Variants in FRYL observed in about 807,000 individuals in gnomAD.
FRYL encodes the protein protein furry homolog-like.
FRYL carries 150 observed loss-of-function variants against 351.2 expected under a neutral mutation model. That is an observed-to-expected ratio of 0.43 (90% confidence interval 0.37 to 0.49). The LOEUF (loss-of-function observed/expected upper bound fraction) is 0.49. Among genes scored for constraint, FRYL ranks in the 20% least tolerant of loss-of-function variants. The pLI is 0.00. For synonymous variants in FRYL, 1,153 were observed against 1,257.1 expected (o/e 0.92, Z 1.75); for missense variants, 3,036 against 3,619.3 (o/e 0.84, Z 4.13).
At chr4:48,543,071 A>G (rs1266977603) in intron 44 of FRYL, among the ~76,000 whole-genome samples, 1 of 152,066 alleles carries the variant, frequency 6.6e-6, no homozygotes, top group Non-Finnish European at 1.5e-5. Flanking sequence ...AATTTTCTTG[A>G]TGTTCCTCAG....
In FRYL at chr4:48,497,599, A is replaced by T. The variant is rs769080396; in HGVS notation, c.*1823T>A. 3.3e-5 allele frequency: 5 copies of T among 152,640 alleles called. No individual in the cohort carries two copies. The highest frequency in any genetic ancestry group is 7.3e-5 in the Non-Finnish European group (5 of 68,040). The allele number at this position is 152,640 out of a possible 1,614,324, so 9.5% of individuals were successfully genotyped here. The stretch of plus-strand genomic sequence containing the variant: ...ACAATGCTTTTTATTTTTAACAAAA[A>T]GGATGTAAGGAGGGTAAGAAAAACA... On this transcript the variant is annotated 3_prime_UTR_variant, in exon 64 of 64. Transcript: ENST00000358350.
At chr4:48,608,326 T>G (rs1241538291) in intron 9 of FRYL, among the ~76,000 whole-genome samples, 2 of 152,188 alleles carry the variant, frequency 1.3e-5, no homozygotes, top group Non-Finnish European at 2.9e-5. Context: ...CAAAGACTCT[T>G]TCAAACACAT....
intron 3 of FRYL, chr4:48,637,292 A>G (rs1754431355): frequency 6.6e-6 from 1 of 152,118 alleles, no homozygotes; most frequent in South Asian, 2.1e-4. Context: ...CCTCAACTTT[A>G]TATTTCATCA....
Position 48,528,184 on chromosome 4 carries a change from C to T in FRYL, c.7056G>A (p.Gln2352=). ...GATATTCTTTATGTACCTGTGATAA[C>T]TGTGGCCTTTTCCAACTAACAGGAA... ...ALVPVSWKRP[Q]LSQRRTREKL... The change falls in exon 51 of 64, where the codon CAG becomes CAA. Residue 2352 remains glutamine (Q), a synonymous_variant. Transcript: ENST00000358350. 2 of 1,612,706 alleles carry T rather than the reference C, an allele frequency of 1.2e-6. No individual in the cohort carries two copies. The highest frequency in any genetic ancestry group is 1.7e-6 in the Non-Finnish European group (2 of 1,179,138).
chr4:48,521,003 A>G, intron 55 of FRYL, 45 bp downstream of exon 55: 1 of 1,483,304 alleles, frequency 6.7e-7, no homozygotes, highest in Non-Finnish European at 9.1e-7. Context: ...AAGAGTGCTA[A>G]AAAGAGCCCA....
At chr4:48,519,121 A>G (rs1398105672) in intron 55 of FRYL, among the ~76,000 whole-genome samples, 7 of 152,236 alleles carry the variant, frequency 4.6e-5, no homozygotes, top group African/African-American at 7.2e-5. Flanking sequence ...ATCTCAAGAC[A>G]AAGTCTTAAA....
intron 33 of FRYL, among the ~76,000 whole-genome samples, chr4:48,559,780 C>T (rs1735047874): frequency 6.6e-6 from 1 of 151,376 alleles, no homozygotes; most frequent in Non-Finnish European, 1.5e-5. Context: ...CCAAAAGAGA[C>T]AGAAAAGGAA....
At chr4:48,733,389 A>C (rs916219374) in intron 1 of FRYL, among the ~76,000 whole-genome samples, 11 of 151,972 alleles carry the variant, frequency 7.2e-5, no homozygotes, top group Non-Finnish European at 1.3e-4. Context: ...ATAGAAACAA[A>C]AATTGACAGA....
chr4:48,620,353 C>T (rs1223674872), intron 6 of FRYL, among the ~76,000 whole-genome samples: 1 of 152,166 alleles, frequency 6.6e-6, no homozygotes, highest in African/African-American at 2.4e-5. Context: ...TTAAAAGCTC[C>T]TCACTGAACT....
Position 48,564,088 on chromosome 4 carries a change from G to A in FRYL, c.3456C>T (p.Gly1152=). The change falls in exon 31 of 64, where the codon GGC becomes GGT. Residue 1152 remains glycine, a synonymous_variant. Coordinates refer to ENST00000358350, the MANE Select transcript of FRYL (RefSeq NM_015030.2). ...CCAGTAACAACGTAACTGCTTCACA[G>A]CCCAGCTGGTGAACCTAGGTAAAGG... The part of the protein sequence containing the change: ...DSLDKKVHQL[G]CEAVTLLLEL... 6.2e-7 allele frequency: 1 copy of A among 1,613,726 alleles called. No individual in the cohort carries two copies. Among genetic ancestry groups the A allele is most frequent in the South Asian group, 1.1e-5 (1 of 90,932 alleles).
chr4:48,528,144 T>C (rs372162368), intron 51 of FRYL, 31 bp downstream of exon 51: 1 of 1,600,828 alleles, frequency 6.2e-7, no homozygotes, highest in African/African-American at 1.3e-5. Context: ...TTCTGTTCTA[T>C]GAATGTTCCA....
At chr4:48,646,516 T>G (rs1756499007) in intron 3 of FRYL, among the ~76,000 whole-genome samples, 1 of 152,142 alleles carries the variant, frequency 6.6e-6, no homozygotes, top group Admixed American at 6.6e-5. Flanking sequence ...ATCAACAGAC[T>G]AGGAAGAATA....
At chr4:48,501,228 T>C (rs1457121340) in intron 62 of FRYL, among the ~76,000 whole-genome samples, 1 of 152,164 alleles carries the variant, frequency 6.6e-6, no homozygotes, top group Non-Finnish European at 1.5e-5. Context: ...TCTTGCTCTG[T>C]CACCTATGCT....
intron 1 of FRYL, among the ~76,000 whole-genome samples, chr4:48,774,527 C>T (rs1402731250): frequency 6.6e-6 from 1 of 151,906 alleles, no homozygotes; most frequent in Non-Finnish European, 1.5e-5. Flanking sequence ...ATATTTCACA[C>T]TGAATTTTAA....
intron 3 of FRYL, among the ~76,000 whole-genome samples, chr4:48,662,443 TTAAA>T: frequency 6.6e-6 from 1 of 152,102 alleles, no homozygotes; most frequent in East Asian, 1.9e-4. Context: ...ATAATATTTT[TTAAA>T]TAAAGTAAAT....
rs747857215 is a variant in FRYL at position 48,565,686 on chromosome 4, G to A, written c.3175C>T (p.Gln1059Ter). Residue 1059 changes from glutamine (Q) to a stop codon, truncating the protein, a stop_gained, in exon 29 of 64, where the codon CAG becomes TAG. Coordinates refer to ENST00000358350, the MANE Select transcript of FRYL (RefSeq NM_015030.2). LOFTEE classifies it high-confidence loss of function. ...TGTTGAGGAAAAATACTTCTTCTCT[G>A]GTGCACTGTGAATAAAAAAAGATAG... is the stretch of plus-strand genomic sequence containing the variant. ...ANIIQNVPVH[Q>*]RRSIFPQQSL... 6.2e-7 allele frequency: 1 copy of A among 1,604,422 alleles called. No homozygotes were observed. Among genetic ancestry groups the A allele is most frequent in the Non-Finnish European group, 8.5e-7 (1 of 1,177,606 alleles).
At chr4:48,699,137 A>G (rs1766486351) in intron 2 of FRYL, among the ~76,000 whole-genome samples, 1 of 152,230 alleles carries the variant, frequency 6.6e-6, no homozygotes, top group Admixed American at 6.5e-5. Flanking sequence ...ATTATATTTT[A>G]AAGTATAAGC....
chr4:48,631,864 C>T (rs1386313958), intron 4 of FRYL, among the ~76,000 whole-genome samples: 1 of 150,154 alleles, frequency 6.7e-6, no homozygotes, highest in African/African-American at 2.5e-5. Context: ...GAGTTTGAGA[C>T]CAGCTTGGGT....
At chr4:48,638,958 G>C (rs1295332220) in intron 3 of FRYL, among the ~76,000 whole-genome samples, 5 of 152,082 alleles carry the variant, frequency 3.3e-5, no homozygotes, top group African/African-American at 1.2e-4. Flanking sequence ...GCCTGTTGTG[G>C]GGTGGGAGGC....
Sources: allele counts gnomAD v4.1 joint callset (sites outside exome capture counted in the v4.1 genomes callset), GRCh38; gene constraint gnomAD v4.1.1; transcripts MANE v1.5; gene names NCBI Gene and HGNC (gene_info 2026-07-23, HGNC 2026-07-21).